SLC8A1: variants seen among roughly 807,000 people sequenced by gnomAD.
SLC8A1 encodes the protein sodium/calcium exchanger 1.
In SLC8A1, 18 loss-of-function variants were observed where a neutral mutation model predicts 68.3. That is an observed-to-expected ratio of 0.26 (90% CI 0.18 to 0.39). SLC8A1 has a LOEUF of 0.39. Among genes scored for constraint, SLC8A1 ranks in the 10% least tolerant of loss-of-function variants. SLC8A1 has a pLI of 1.00. For missense variants in SLC8A1, 985 were observed against 1,156.7 expected (o/e 0.85, Z 2.15); for synonymous variants, 475 against 415.5 (o/e 1.14, Z -1.74).
intron 2 of SLC8A1, among the ~76,000 whole-genome samples, chr2:40,248,688 T>C (rs2062250269): frequency 6.6e-6 from 1 of 152,168 alleles, no homozygotes; most frequent in Non-Finnish European, 1.5e-5. Flanking sequence ...ACAACCTATA[T>C]TCAATTCCCC....
intron 2 of SLC8A1, among the ~76,000 whole-genome samples, chr2:40,325,295 G>T (rs1382165364): frequency 1.3e-5 from 2 of 152,134 alleles, no homozygotes; most frequent in African/African-American, 4.8e-5. Flanking sequence ...TTTGAGGTAG[G>T]GCAGGAAGAG....
intron 1 of SLC8A1, among the ~76,000 whole-genome samples, chr2:40,471,305 C>T (rs1466312728): frequency 6.6e-6 from 1 of 152,108 alleles, no homozygotes; most frequent in Non-Finnish European, 1.5e-5. Flanking sequence ...ACCTGCTTGA[C>T]CACTGCTTTT....
At chr2:40,322,803 TACC>T (rs1203321516) in intron 2 of SLC8A1, among the ~76,000 whole-genome samples, 1 of 150,548 alleles carries the variant, frequency 6.6e-6, no homozygotes, top group Admixed American at 6.7e-5. Context: ...ATATAGTGCC[TACC>T]ACCATTTATT....
intron 2 of SLC8A1, among the ~76,000 whole-genome samples, chr2:40,307,909 A>G (rs2149292825): frequency 6.6e-6 from 1 of 152,340 alleles, no homozygotes; most frequent in East Asian, 1.9e-4. Flanking sequence ...CTAAATAGCC[A>G]CAAATGAAAA....
chr2:40,301,599 T>C (rs927760633), intron 2 of SLC8A1, among the ~76,000 whole-genome samples: 3 of 144,616 alleles, frequency 2.1e-5, no homozygotes, highest in African/African-American at 7.6e-5. Context: ...GAGGGAAGGG[T>C]GGGAGGGAAG....
rs115567875 is a variant in SLC8A1, at chr2:40,137,883, C to T, written c.2437+1518G>A. 3.4e-3 allele frequency among the ~76,000 whole-genome samples: 511 copies of T among 152,168 alleles called. 4 individuals carry two copies. The highest frequency in any genetic ancestry group is 5.4e-3 in the Non-Finnish European group (365 of 67,990). ...AGCATGTGGAGTCTTTAATCAGAAC[C>T]CCCAGGCAGGCAGTCAGTTGCATAA... On this transcript the variant is annotated intron_variant, in intron 7 of 7. Coordinates refer to ENST00000406785, the Ensembl canonical transcript of SLC8A1.
chr2:40,405,011 T>C (rs1453396405), intron 2 of SLC8A1, among the ~76,000 whole-genome samples: 1 of 152,178 alleles, frequency 6.6e-6, no homozygotes, highest in Non-Finnish European at 1.5e-5. Context: ...AATTCTGTAA[T>C]TTACTGAACC....
At chr2:40,384,765 C>T (rs1241149280) in intron 2 of SLC8A1, among the ~76,000 whole-genome samples, 2 of 152,098 alleles carry the variant, frequency 1.3e-5, no homozygotes, top group Non-Finnish European at 2.9e-5. Context: ...TTTCTCATTA[C>T]TTTCACATTT....
intron 2 of SLC8A1, among the ~76,000 whole-genome samples, chr2:40,420,353 A>T (rs1171299560): frequency 8.1e-6 from 1 of 123,224 alleles, no homozygotes; most frequent in Non-Finnish European, 1.7e-5. Flanking sequence ...ATTGTCTGGT[A>T]ACACATTAAA....
At chr2:40,142,971 CGAGA>C (rs145998783) in intron 6 of SLC8A1, among the ~76,000 whole-genome samples, 8 of 145,920 alleles carry the variant, frequency 5.5e-5, no homozygotes, top group East Asian at 2.0e-4. Context: ...TGTGTGAGAG[CGAGA>C]GAGAGAGAGA....
chr2:40,153,117 G>A (rs927484547), intron 6 of SLC8A1, among the ~76,000 whole-genome samples: 6 of 152,074 alleles, frequency 3.9e-5, no homozygotes, highest in African/African-American at 1.4e-4. Context: ...GGATGGATTG[G>A]ATAATTTAAA....
chr2:40,342,318 CTAAT>C (rs1311839722), intron 2 of SLC8A1, among the ~76,000 whole-genome samples: 2 of 152,088 alleles, frequency 1.3e-5, no homozygotes, highest in Admixed American at 1.3e-4. Context: ...TACTGGATCT[CTAAT>C]TAATAAATGA....
At chr2:40,482,174 T>C (rs1357888026) in intron 1 of SLC8A1, among the ~76,000 whole-genome samples, 1 of 152,196 alleles carries the variant, frequency 6.6e-6, no homozygotes, top group Non-Finnish European at 1.5e-5. Context: ...ACACCAAGTT[T>C]CTACATTTTA....
At chr2:40,277,760 A>G (rs974832521) in intron 2 of SLC8A1, among the ~76,000 whole-genome samples, 3 of 143,950 alleles carry the variant, frequency 2.1e-5, no homozygotes, top group African/African-American at 7.8e-5. Context: ...ATATACGTAC[A>G]TATAAACATA....
At chr2:40,355,068 A>C (rs1177630663) in intron 2 of SLC8A1, among the ~76,000 whole-genome samples, 1 of 152,210 alleles carries the variant, frequency 6.6e-6, no homozygotes, top group Non-Finnish European at 1.5e-5. Flanking sequence ...GATGAAATAA[A>C]GATAAGCAAG....
intron 2 of SLC8A1, among the ~76,000 whole-genome samples, chr2:40,355,595 C>T (rs1046883834): frequency 6.6e-6 from 1 of 152,088 alleles, no homozygotes. Context: ...ATGTTGAGCC[C>T]ACACTCTTAC....
intron 2 of SLC8A1, among the ~76,000 whole-genome samples, chr2:40,331,782 C>T (rs2149376450): frequency 6.6e-6 from 1 of 152,018 alleles, no homozygotes; most frequent in East Asian, 1.9e-4. Context: ...TTAGTAGAGA[C>T]AGGGTTTTGC....
chr2:40,247,163 C>G (rs933786978), intron 2 of SLC8A1, among the ~76,000 whole-genome samples: 5 of 152,126 alleles, frequency 3.3e-5, no homozygotes, highest in Admixed American at 3.3e-4. Flanking sequence ...TCTTAGCCAT[C>G]TGAAGGCTTT....
chr2:40,439,958 T>A (rs1003068894), intron 1 of SLC8A1, among the ~76,000 whole-genome samples: 2 of 152,258 alleles, frequency 1.3e-5, no homozygotes, highest in Non-Finnish European at 2.9e-5. Flanking sequence ...ATTTACATAT[T>A]ACAATATTGT....
Sources: gnomAD v4.1 joint callset for allele counts (sites outside exome capture counted in the v4.1 genomes callset) on GRCh38, gnomAD v4.1.1 for gene constraint, MANE v1.5 for transcripts, NCBI Gene and HGNC (gene_info 2026-07-23, HGNC 2026-07-21) for gene names.